Variants in IFT56 observed in about 807,000 individuals in gnomAD.
IFT56 encodes the protein intraflagellar transport 56.
the IFT56 span, among the ~76,000 whole-genome samples, chr7:139,166,124 A>T: frequency 6.6e-6 from 1 of 151,968 alleles, no homozygotes; most frequent in East Asian, 1.9e-4. Context: ...TGCCTGGCTA[A>T]TTTTTGTATT....
chr7:139,147,000 G>A, the IFT56 span: 1 of 1,530,160 alleles, frequency 6.5e-7, no homozygotes, highest in South Asian at 1.2e-5. Context: ...TGAAGTAGAA[G>A]ACAAAGAACC....
chr7:139,177,896 T>C, the IFT56 span, among the ~76,000 whole-genome samples: 27 of 152,154 alleles, frequency 1.8e-4, 1 homozygote, highest in African/African-American at 5.3e-4. Flanking sequence ...GCCACACTAA[T>C]TGAATGTGCA....
chr7:139,142,363 T>A, the IFT56 span: 27 of 1,421,158 alleles, frequency 1.9e-5, no homozygotes, highest in Admixed American at 3.5e-5. Context: ...TTTTTCTTCC[T>A]TCTTGTTACT....
chr7:139,184,790 G>C, the IFT56 span, among the ~76,000 whole-genome samples: 38 of 152,014 alleles, frequency 2.5e-4, no homozygotes, highest in Admixed American at 3.9e-4. Context: ...CGTGGTGGCT[G>C]ATGCCTGTAA....
At chr7:139,173,014 G>A in the IFT56 span, 3 of 726,686 alleles carry the variant, frequency 4.1e-6, no homozygotes, top group African/African-American at 3.5e-5. Context: ...ACAGTTGGTG[G>A]TGTGGCTCAG....
the IFT56 span, among the ~76,000 whole-genome samples, chr7:139,174,983 C>T: frequency 1.3e-5 from 2 of 151,690 alleles, no homozygotes; most frequent in African/African-American, 4.9e-5. Flanking sequence ...GTCACACCAT[C>T]ACACTACAGT....
the IFT56 span, among the ~76,000 whole-genome samples, chr7:139,146,268 G>A: frequency 1.3e-5 from 2 of 152,202 alleles, no homozygotes; most frequent in Non-Finnish European, 2.9e-5. Flanking sequence ...TAAGCAAAAG[G>A]CAGCTAATAT....
the IFT56 span, chr7:139,169,483 A>C: frequency 4.0e-6 from 3 of 750,446 alleles, no homozygotes; most frequent in Non-Finnish European, 4.5e-6. Context: ...GTCAGAAATA[A>C]GAGAGAATAT....
chr7:139,168,402 G>A, the IFT56 span: 3 of 1,606,110 alleles, frequency 1.9e-6, no homozygotes, highest in South Asian at 3.3e-5. Flanking sequence ...GGTTCAGTGA[G>A]TATGAAATCA....
chr7:139,175,824 G>C, the IFT56 span, among the ~76,000 whole-genome samples: 1 of 151,812 alleles, frequency 6.6e-6, no homozygotes, highest in Non-Finnish European at 1.5e-5. Flanking sequence ...TTTGGTTTTT[G>C]TTTGTTTGTT....
At chr7:139,142,159 T>C in the IFT56 span, 1 of 1,280,994 alleles carries the variant, frequency 7.8e-7, no homozygotes. Flanking sequence ...ATCAGATGAG[T>C]AAGGTTTGGG....
chr7:139,181,045 C>A, the IFT56 span: 1 of 1,174,600 alleles, frequency 8.5e-7, no homozygotes, highest in Non-Finnish European at 1.2e-6. Flanking sequence ...TATTTTTGTA[C>A]AGTAAAAATG....
At chr7:139,179,637 C>T in the IFT56 span, 21 of 1,612,636 alleles carry the variant, frequency 1.3e-5, no homozygotes, top group Non-Finnish European at 1.7e-5. Flanking sequence ...CTGGTTAGCT[C>T]GGTGCTGTGA....
the IFT56 span, chr7:139,169,223 C>G: frequency 7.5e-7 from 1 of 1,334,134 alleles, no homozygotes; most frequent in African/African-American, 1.5e-5. Flanking sequence ...ATGTTAGAAC[C>G]ATATAGTATA....
At chr7:139,142,297 G>T in the IFT56 span, 1 of 1,613,586 alleles carries the variant, frequency 6.2e-7, no homozygotes. Context: ...CTTCCACTTG[G>T]CTCACAAGGT....
the IFT56 span, chr7:139,142,144 T>C: frequency 9.2e-7 from 1 of 1,092,624 alleles, no homozygotes; most frequent in East Asian, 2.4e-5. Flanking sequence ...CAGAGACATA[T>C]TAGGATCAGA....
chr7:139,162,036 C>G, the IFT56 span, among the ~76,000 whole-genome samples: 34 of 152,072 alleles, frequency 2.2e-4, no homozygotes, highest in Middle Eastern at 6.8e-3. Context: ...GGTTTTCAAT[C>G]GCTGAAGTGA....
chr7:139,171,114 A>T, the IFT56 span, among the ~76,000 whole-genome samples: 9 of 152,224 alleles, frequency 5.9e-5, no homozygotes, highest in Admixed American at 6.5e-5. Flanking sequence ...AATAAAATTT[A>T]AAAATCTTAG....
At chr7:139,169,938 C>T in the IFT56 span, among the ~76,000 whole-genome samples, 3 of 152,046 alleles carry the variant, frequency 2.0e-5, no homozygotes, top group Admixed American at 1.3e-4. Flanking sequence ...TGCCTGAGCC[C>T]AGGAAGTTGA....
Sources: gnomAD v4.1 joint callset for allele counts (sites outside exome capture counted in the v4.1 genomes callset) on GRCh38, gnomAD v4.1.1 for gene constraint, MANE v1.5 for transcripts, NCBI Gene and HGNC (gene_info 2026-07-23, HGNC 2026-07-21) for gene names.